PDLIM3: variants seen among roughly 807,000 people sequenced by gnomAD.
PDLIM3 encodes PDZ and LIM domain 3.
In PDLIM3, 36 loss-of-function variants were observed where a neutral mutation model predicts 37.3. The ratio of observed to expected loss-of-function variants is 0.97; its 90% CI spans 0.74 to 1.28. The LOEUF is 1.28. Ranked by LOEUF, PDLIM3 falls within the 50% of genes most tolerant of loss-of-function variation. The probability of loss-of-function intolerance (pLI) is 0.00; values close to 1 mark genes in which losing one functional copy is unlikely to be tolerated. For missense variants in PDLIM3, 454 were observed against 485.0 expected (o/e 0.94, Z 0.60); for synonymous variants, 174 against 182.4 (o/e 0.95, Z 0.37).
At chr4:185,516,809 C>G (rs941845819) in intron 3 of PDLIM3, 1 of 152,220 alleles carries the variant, frequency 6.6e-6, no homozygotes, top group African/African-American at 2.4e-5. Context: ...TCTCACCAAC[C>G]TTGGACAGCA....
At chr4:185,535,294 C>T in intron 1 of PDLIM3, 48 bp downstream of exon 1, 1 of 1,519,468 alleles carries the variant, frequency 6.6e-7, no homozygotes, top group Non-Finnish European at 9.0e-7. Context: ...CCCCCGGACG[C>T]CGCCGGAGTC....
At chr4:185,531,293 T>TTGAAA (rs35596768) in intron 1 of PDLIM3, among the ~76,000 whole-genome samples, 151,543 of 152,274 alleles carry the variant, frequency 1, 75,412 homozygotes, top group Middle Eastern at 1. Context: ...TACACGGTGT[T>TTGAAA]TAACAACTCC....
At chr4:185,515,504 T>C (rs2095713627) in intron 3 of PDLIM3, 1 of 152,250 alleles carries the variant, frequency 6.6e-6, no homozygotes, top group Non-Finnish European at 1.5e-5. Flanking sequence ...AGAGACTCTT[T>C]TTATGAAAGC....
At chr4:185,517,347 CTTTTTTTTTTTTTTTT>C (rs11419562) in intron 3 of PDLIM3, 15 of 48,814 alleles carry the variant, frequency 3.1e-4, no homozygotes, top group South Asian at 3.0e-3. Context: ...TGGAGCTTAG[CTTTTTTTTTTTTTTTT>C]TTTTTTTTTT....
intron 1 of PDLIM3, among the ~76,000 whole-genome samples, chr4:185,533,431 A>G (rs537650784): frequency 2.7e-4 from 41 of 152,328 alleles, no homozygotes; most frequent in Non-Finnish European, 5.1e-4. Context: ...GAATAAATAA[A>G]TGTTCTTATT....
chr4:185,520,435 TTA>T lies in PDLIM3; in HGVS notation c.330+2925_330+2926del, dbSNP rs1491156825. On this transcript the variant is annotated intron_variant, in intron 3 of 7. Coordinates refer to ENST00000284767, the MANE Select transcript of PDLIM3 (RefSeq NM_014476.6). ...ATAGCCCTTAACCTAATCTCAACCT[TTA>T]AAAAAAAAACAATTTAATCTCCTTT... is the stretch of plus-strand genomic sequence containing the variant. Among the ~76,000 whole-genome samples the T allele has an allele frequency of 2.7e-4, 29 of 106,016 alleles. No homozygotes were observed. In the South Asian group the frequency reaches 5.1e-3, roughly 19 times the overall value. 69.6% of individuals were successfully genotyped at this position (106,016 alleles called of 152,430 possible).
chr4:185,530,967 A>AACACACAC (rs755319452), intron 1 of PDLIM3, among the ~76,000 whole-genome samples: 14 of 51,492 alleles, frequency 2.7e-4, no homozygotes, highest in African/African-American at 4.0e-4. Context: ...CATGCATAGA[A>AACACACAC]ACACACACAC....
chr4:185,514,096 C>A lies in PDLIM3; in HGVS notation c.398+174G>T, dbSNP rs1580248131. 3.3e-6 allele frequency: 5 copies of A among 1,500,174 alleles called. No individual in the cohort carries two copies. In the East Asian group the frequency reaches 9.9e-5, roughly 30 times the overall value. 92.9% of individuals were successfully genotyped at this position (1,500,174 alleles called of 1,614,324 possible). A position where few individuals can be genotyped will look rare whatever the true frequency, so the allele number is the denominator to read the frequency against. On this transcript the variant is annotated intron_variant, in intron 4 of 7. Coordinates refer to ENST00000284767, the MANE Select transcript of PDLIM3 (RefSeq NM_014476.6). The surrounding 1 kb of genome is among the most constrained non-coding windows in gnomAD (Gnocchi z 4.0). Reference sequence around the variant, plus strand: ...TTGTCAATATTTACTCTTGGAAATGCAAGTTATTTGGCTTCTGTTCTCTGC... The same window carrying A: ...TTGTCAATATTTACTCTTGGAAATGAAAGTTATTTGGCTTCTGTTCTCTGC...
At position 185,501,919 on chromosome 4, in the gene PDLIM3, T is replaced by C. The variant is rs1337252823; in HGVS notation, c.*375A>G. On this transcript the variant is annotated 3_prime_UTR_variant, in exon 8 of 8. Transcript: ENST00000284767. ...TAGAATACAAGATTGTTATTTGCTA[T>C]TTACCACAATTGCAAAATCAACTTG... 1 of 326,218 alleles carries C rather than the reference T, an allele frequency of 3.1e-6. No homozygotes were observed. Among genetic ancestry groups the C allele is most frequent in the Admixed American group, 4.5e-5 (1 of 22,220 alleles). 20.2% of individuals were successfully genotyped at this position (326,218 alleles called of 1,614,324 possible). A position where few individuals can be genotyped will look rare whatever the true frequency, so the allele number is the denominator to read the frequency against.
intron 4 of PDLIM3, among the ~76,000 whole-genome samples, chr4:185,509,917 A>C (rs1378351292): frequency 1.7e-5 from 1 of 60,378 alleles, no homozygotes; most frequent in Non-Finnish European, 5.7e-5. Context: ...AATGGGTTTA[A>C]ATTTTTTTTT....
At chr4:185,512,351 G>C (rs2095707948) in intron 4 of PDLIM3, 1 of 152,204 alleles carries the variant, frequency 6.6e-6, no homozygotes, top group South Asian at 2.1e-4. Flanking sequence ...AAAGTGCTGG[G>C]ATTACAGGTG....
At chr4:185,523,261 G>A (rs2095725769) in intron 3 of PDLIM3, 101 bp downstream of exon 3, 6 of 750,102 alleles carry the variant, frequency 8.0e-6, no homozygotes, top group Middle Eastern at 4.6e-4. Context: ...CTTCATAGGT[G>A]GCTTGTTCCA....
At chr4:185,520,180 AT>A (rs1215820501) in intron 3 of PDLIM3, among the ~76,000 whole-genome samples, 2 of 152,184 alleles carry the variant, frequency 1.3e-5, no homozygotes, top group Non-Finnish European at 2.9e-5. Flanking sequence ...CAATTTAGTT[AT>A]TTTTGTGTAG....
At chr4:185,513,268 A>G (rs927443612) in intron 4 of PDLIM3, 1 of 985,220 alleles carries the variant, frequency 1.0e-6, no homozygotes, top group Non-Finnish European at 1.2e-6. Flanking sequence ...ATATCACAAG[A>G]ATTGTCTGGC....
At position 185,502,435 on chromosome 4, in the gene PDLIM3, G is replaced by A. The variant is rs757507673; in HGVS notation, c.954C>T (p.Phe318=). 5 of 1,614,146 alleles carry A rather than the reference G, an allele frequency of 3.1e-6. No homozygotes were observed. The highest frequency in any genetic ancestry group is 4.2e-6 in the Non-Finnish European group (5 of 1,180,036). ...GGTTGAGGTTGCAGTCGGCACACAC[G>A]AAGCACTCAGGGTGCCGGTACTTAT... ...ARDKYRHPEC[F]VCADCNLNLK... The change falls in exon 8 of 8, where the codon TTC becomes TTT. Residue 318 remains phenylalanine (F), a synonymous_variant. Transcript: ENST00000284767.
chr4:185,505,340 C>T (rs2095694868), intron 6 of PDLIM3, among the ~76,000 whole-genome samples: 1 of 152,180 alleles, frequency 6.6e-6, no homozygotes, highest in South Asian at 2.1e-4. Context: ...TGCTGGCATA[C>T]AGGCTGGGCG....
At chr4:185,534,743 C>T (rs1220804271) in intron 1 of PDLIM3, among the ~76,000 whole-genome samples, 1 of 152,216 alleles carries the variant, frequency 6.6e-6, no homozygotes, top group Admixed American at 6.5e-5. Flanking sequence ...CTTTGGAAAA[C>T]GTGCTCAAAA....
chr4:185,525,289 G>A (rs2095731236), intron 1 of PDLIM3, 118 bp from the exon 2 acceptor site: 8 of 981,060 alleles, frequency 8.2e-6, no homozygotes, highest in Non-Finnish European at 1.3e-5. Context: ...CAGAAAGACT[G>A]TAAATCTAAC....
At chr4:185,529,821 A>C (rs2095740807) in intron 1 of PDLIM3, among the ~76,000 whole-genome samples, 1 of 152,160 alleles carries the variant, frequency 6.6e-6, no homozygotes, top group African/African-American at 2.4e-5. Context: ...AAAGTATAAG[A>C]AGCTTGGTTA....
Sources: gnomAD v4.1 joint callset for allele counts (sites outside exome capture counted in the v4.1 genomes callset) on GRCh38, gnomAD v4.1.1 for gene constraint, Gnocchi (gnomAD v3.1) non-coding constraint, MANE v1.5 for transcripts, NCBI Gene and HGNC (gene_info 2026-07-23, HGNC 2026-07-21) for gene names.